The following C4orf50 variants were observed in gnomAD, a reference collection of about 807,000 sequenced individuals.
The protein encoded by C4orf50 is chromosome 4 open reading frame 50.
In C4orf50, 80 loss-of-function variants were observed where a neutral mutation model predicts 77.2. That is an observed-to-expected ratio of 1.04 (90% confidence interval 0.87 to 1.25). The LOEUF is 1.25. Among genes scored for constraint, C4orf50 ranks in the 50% most tolerant of loss-of-function variants. The pLI, the probability that C4orf50 is intolerant of heterozygous loss-of-function variation, is 0.00. For synonymous variants in C4orf50, 532 were observed against 465.3 expected (o/e 1.14, Z -1.84); for missense variants, 1,257 against 1,152.9 (o/e 1.09, Z -1.31).
Position 6,011,061 on chromosome 4 carries a change from C to T in C4orf50, c.426+769G>A, listed in dbSNP as rs1443237682. Among the ~76,000 whole-genome samples the T allele has an allele frequency of 6.6e-6, 1 of 152,168 alleles. No individual in the cohort carries two copies. Among genetic ancestry groups the T allele is most frequent in the African/African-American group, 2.4e-5 (1 of 41,440 alleles). On this transcript the variant is annotated intron_variant, in intron 24 of 33. Coordinates refer to ENST00000531445, the Ensembl canonical transcript of C4orf50. The surrounding 1 kb of genome is among the most constrained non-coding windows in gnomAD (Gnocchi z 4.2). ...CTCCAGGCCTCTGCCTCCAGAGCCC[C>T]CCACCCTTAACTGCCCACTGCTTCT... is the stretch of plus-strand genomic sequence containing the variant.
chr4:5,907,354 C>CA (rs1451443968), intron 7 of C4orf50, among the ~76,000 whole-genome samples: 21 of 151,776 alleles, frequency 1.4e-4, no homozygotes, highest in Non-Finnish European at 2.1e-4. Flanking sequence ...AAAGTTTCAT[C>CA]AAAAAAAATC....
chr4:5,989,612 C>A (rs754113543), exon 28 of C4orf50: 1 of 1,536,148 alleles, frequency 6.5e-7, no homozygotes, highest in East Asian at 2.4e-5. Flanking sequence ...TGGAAACAAG[C>A]CTCCACGTCC....
At chr4:5,975,139 CAAAAAAAAAAAAAAAAAAAAAAAA>C (rs763836859) in intron 30 of C4orf50, among the ~76,000 whole-genome samples, 12 of 82,872 alleles carry the variant, frequency 1.4e-4, no homozygotes, top group African/African-American at 2.0e-4. Flanking sequence ...CACTCCATCT[CAAAAAAAAAAAAAAAAAAAAAAAA>C]AAAAAAAAAA....
intron 31 of C4orf50, among the ~76,000 whole-genome samples, chr4:5,968,865 G>T (rs1232786675): frequency 1.3e-5 from 2 of 152,288 alleles, no homozygotes; most frequent in East Asian, 3.9e-4. Flanking sequence ...GCACTCAACT[G>T]ACTTCTGGGT....
intron 25 of C4orf50, among the ~76,000 whole-genome samples, chr4:6,005,512 G>T (rs1424814500): frequency 6.6e-6 from 1 of 152,142 alleles, no homozygotes; most frequent in African/African-American, 2.4e-5. Context: ...AACAAACTCC[G>T]ATCCCAGGAT....
At position 6,015,596 on chromosome 4, in the gene C4orf50, G is replaced by A. The variant is rs143261131; in HGVS notation, c.287+2549C>T. ...TCCCCATGTCTGTGTGGGCTTTCTC[G>A]GGGTACCCTGGTCTCCTCCTGCAGC... is the stretch of plus-strand genomic sequence containing the variant. On this transcript the variant is annotated intron_variant, in intron 23 of 33. Transcript: ENST00000531445. This position sits in a 1 kb window ranked among gnomAD's most constrained non-coding sequence, Gnocchi z 4.4. Among the ~76,000 whole-genome samples the A allele has an allele frequency of 7.4e-4, 112 of 152,076 alleles. No homozygotes were observed. The highest frequency in any genetic ancestry group is 1.5e-3 in the African/African-American group (61 of 41,482).
chr4:5,985,964 G>A lies in C4orf50; in HGVS notation c.3699+2383C>T, dbSNP rs146121517. On this transcript the variant is annotated intron_variant, in intron 28 of 33. Coordinates refer to ENST00000531445, the Ensembl canonical transcript of C4orf50. ...AGCCTGGGTGACAGAGCGAGACAGCGTCTCAAAAATAAATAAATACATAAA... is the reference window on the plus strand; with the variant it reads ...AGCCTGGGTGACAGAGCGAGACAGCATCTCAAAAATAAATAAATACATAAA... 4.4e-3 allele frequency among the ~76,000 whole-genome samples: 670 copies of A among 152,158 alleles called. 4 individuals carry two copies. Among genetic ancestry groups the A allele is most frequent in the African/African-American group, 0.014 (592 of 41,516 alleles).
chr4:5,989,670 C>G (rs1368485046), exon 28 of C4orf50: 5 of 1,536,126 alleles, frequency 3.3e-6, no homozygotes, highest in Non-Finnish European at 4.4e-6. Context: ...GTCCTTTGCT[C>G]ACAGCCTGTG....
chr4:5,997,327 C>T (rs4569704), intron 25 of C4orf50, among the ~76,000 whole-genome samples: 73,596 of 152,128 alleles, frequency 0.48, 19,606 homozygotes, highest in African/African-American at 0.72. Context: ...GACACGGCCA[C>T]GTATAAACAT....
At chr4:6,004,221 ATGATG>A (rs1722077001) in intron 25 of C4orf50, among the ~76,000 whole-genome samples, 15 of 37,730 alleles carry the variant, frequency 4.0e-4, no homozygotes, top group South Asian at 9.4e-4. Flanking sequence ...GGTGATGGTG[ATGATG>A]TGATGGTGAT....
intron 25 of C4orf50, among the ~76,000 whole-genome samples, chr4:5,996,406 C>A (rs1015971524): frequency 1.3e-3 from 202 of 152,248 alleles, no homozygotes; most frequent in African/African-American, 4.6e-3. Flanking sequence ...TCCTGTTACA[C>A]TGAAAGAGAA....
chr4:5,928,474 CTTTG>C (rs1417505839), intron 7 of C4orf50, among the ~76,000 whole-genome samples: 1 of 152,088 alleles, frequency 6.6e-6, no homozygotes, highest in Non-Finnish European at 1.5e-5. Context: ...GATGAAAGAC[CTTTG>C]TTTGTTCTGA....
intron 33 of C4orf50, among the ~76,000 whole-genome samples, chr4:5,960,777 G>C (rs899647175): frequency 1.3e-5 from 2 of 152,182 alleles, no homozygotes; most frequent in African/African-American, 4.8e-5. Context: ...GGAGGAGCAG[G>C]GTTCTGTTAT....
rs1430140199 is a variant in C4orf50, at chr4:6,007,393, G to C, written c.963+603C>G. 6.6e-6 allele frequency among the ~76,000 whole-genome samples: 1 copy of C among 152,108 alleles called. No individual in the cohort carries two copies. The highest frequency in any genetic ancestry group is 1.5e-5 in the Non-Finnish European group (1 of 68,028). On this transcript the variant is annotated intron_variant, in intron 25 of 33. Coordinates refer to ENST00000531445, the Ensembl canonical transcript of C4orf50. The surrounding 1 kb of genome is among the most constrained non-coding windows in gnomAD (Gnocchi z 4.1). ...ACCCTTACTAATTAGTACCCCAGAA[G>C]GCTCCCTCTCCCTCCTGCCCTGTGA... is the stretch of plus-strand genomic sequence containing the variant.
At chr4:5,917,530 C>T (rs909069351) in intron 7 of C4orf50, among the ~76,000 whole-genome samples, 1 of 149,614 alleles carries the variant, frequency 6.7e-6, no homozygotes. Flanking sequence ...ACTCCTGCCT[C>T]AGCCTCCTGA....
At position 6,011,603 on chromosome 4, in the gene C4orf50, T is replaced by A. The variant is rs899347987; in HGVS notation, c.426+227A>T. ...AGTCTGTGGCCTGGCGCTGAGGTCC[T>A]CAGGCACAAGAGCTTCCAGCAAGTG... is the stretch of plus-strand genomic sequence containing the variant. On this transcript the variant is annotated intron_variant, in intron 24 of 33. Coordinates refer to ENST00000531445, the Ensembl canonical transcript of C4orf50. This position sits in a 1 kb window ranked among gnomAD's most constrained non-coding sequence, Gnocchi z 4.2. Among the ~76,000 whole-genome samples the A allele has an allele frequency of 1.3e-5, 2 of 152,130 alleles. No individual in the cohort carries two copies. The highest frequency in any genetic ancestry group is 6.5e-5 in the Admixed American group (1 of 15,272).
chr4:5,963,133 A>C (rs564287213), intron 33 of C4orf50, among the ~76,000 whole-genome samples: 1 of 151,662 alleles, frequency 6.6e-6, no homozygotes, highest in African/African-American at 2.4e-5. Context: ...CGAGTAGCTG[A>C]GACTACAGGC....
intron 7 of C4orf50, among the ~76,000 whole-genome samples, chr4:5,937,410 T>C (rs2108748888): frequency 6.6e-6 from 1 of 152,230 alleles, no homozygotes; most frequent in East Asian, 1.9e-4. Context: ...AAATATAATG[T>C]ACACCTAGGG....
intron 26 of C4orf50, among the ~76,000 whole-genome samples, chr4:5,993,857 TAAAAA>T (rs10708646): frequency 6.9e-6 from 1 of 144,320 alleles, no homozygotes; most frequent in African/African-American, 2.5e-5. Context: ...TAAAAATAAA[TAAAAA>T]AAAAAAAGAG....
Sources: allele counts gnomAD v4.1 joint callset (sites outside exome capture counted in the v4.1 genomes callset), GRCh38; gene constraint gnomAD v4.1.1; non-coding constraint Gnocchi (gnomAD v3.1); transcripts MANE v1.5; gene names NCBI Gene and HGNC (gene_info 2026-07-23, HGNC 2026-07-21).